GFUS: variants seen among roughly 807,000 people sequenced by gnomAD.
GFUS encodes the protein 3-5 epimerase/4-reductase.
Under a neutral mutation model 41.5 loss-of-function variants are expected in GFUS, and 42 were observed. The ratio of observed to expected loss-of-function variants is 1.01; its 90% CI spans 0.79 to 1.31. The LOEUF (loss-of-function observed/expected upper bound fraction) is 1.31, where lower values mean the gene tolerates loss of function less well. Among genes scored for constraint, GFUS ranks in the 50% most tolerant of loss-of-function variants. The pLI, the probability that GFUS is intolerant of heterozygous loss-of-function variation, is 0.00. For synonymous variants in GFUS, 188 were observed against 173.4 expected, an observed-to-expected ratio of 1.08 and a Z score of -0.66; for missense variants, 437 against 428.7, an observed-to-expected ratio of 1.02 and a Z score of -0.17.
rs750822132 is a variant in GFUS, at chr8:143,613,679, A to C, written c.730+72T>G. The C allele has an allele frequency of 5.7e-6, 9 of 1,577,818 alleles. No individual in the cohort carries two copies. The Admixed American group carries it at 1.6e-4, about 29-fold the overall frequency. ...ATGAATATTCCTGCTCCCACCCCTC[A>C]GCCAGCCTCCCAGGACAACCTTGGA... On this transcript the variant is annotated intron_variant, in intron 8 of 10. Coordinates refer to ENST00000425753, the MANE Select transcript of GFUS (RefSeq NM_003313.4).
In GFUS at chr8:143,612,719, C is replaced by T. The variant is rs536978293; in HGVS notation, c.*191G>A. 1.0e-5 allele frequency: 7 copies of T among 685,212 alleles called. No homozygotes were observed. The Admixed American group carries it at 1.0e-4, about 10-fold the overall frequency. 42.4% of individuals were successfully genotyped at this position (685,212 alleles called of 1,614,324 possible). A position where few individuals can be genotyped will look rare whatever the true frequency, so the allele number is the denominator to read the frequency against. On this transcript the variant is annotated 3_prime_UTR_variant, in exon 11 of 11. Transcript: ENST00000425753. ...TGGGGAGCAAAGCGCCGGGCCTGCC[C>T]GGGACCCTGGTTTCCCTGAGGACCA...
chr8:143,612,951 A>G lies in GFUS; in HGVS notation c.925T>C (p.Cys309Arg), dbSNP rs1181372604. 6.2e-7 allele frequency: 1 copy of G among 1,610,654 alleles called. No homozygotes were observed. Among genetic ancestry groups the G allele is most frequent in the Non-Finnish European group, 8.5e-7 (1 of 1,178,930 alleles). The stretch of plus-strand genomic sequence containing the variant: ...TCGTAGTTGTCAGTGAACCAAGCAC[A>G]GGTCTCCTTCACCGCTGCAGAGGCA... ...TPFKQAVKET[C>R]AWFTDNYEQA... Residue 309 changes from cysteine (C) to arginine (R), a missense_variant, in exon 11 of 11, where the codon TGT (cysteine) becomes CGT (arginine). By Grantham distance (180) the Cys-to-Arg change is radical. Coordinates refer to ENST00000425753, the MANE Select transcript of GFUS (RefSeq NM_003313.4).
chr8:143,615,724 G>A (rs1240879056), intron 3 of GFUS, among the ~76,000 whole-genome samples: 2 of 152,178 alleles, frequency 1.3e-5, no homozygotes, highest in Non-Finnish European at 2.9e-5. Context: ...GTGTGTGGTG[G>A]GCCCGGCTAA....
intron 1 of GFUS, 52 bp downstream of exon 1, chr8:143,617,422 T>G (rs1379847176): frequency 6.6e-6 from 1 of 152,430 alleles, no homozygotes; most frequent in East Asian, 1.9e-4. Flanking sequence ...GCTCCCTGAC[T>G]CTCACGGAGC....
chr8:143,616,515 G>A lies in GFUS; in HGVS notation c.146+52C>T, dbSNP rs372020887. The A allele has an allele frequency of 1.2e-4, 192 of 1,612,134 alleles. 3 individuals are homozygous for A. In the South Asian group the frequency reaches 1.6e-3, roughly 14 times the overall value. ...CCCAGCCTGGAACTCTTAGTTCTAG[G>A]GTGGGGGGTAGGATGGAGAGGAAGG... is the stretch of plus-strand genomic sequence containing the variant. On this transcript the variant is annotated intron_variant, in intron 2 of 10. Transcript: ENST00000425753.
In GFUS at chr8:143,614,212, C is replaced by T. The variant is rs149753598; in HGVS notation, c.615G>A (p.Leu205=). Residue 205 remains leucine (L), a synonymous_variant, in exon 7 of 11, where the codon CTG becomes CTA. Coordinates refer to ENST00000425753, the MANE Select transcript of GFUS (RefSeq NM_003313.4). The stretch of plus-strand genomic sequence containing the variant: ...GCGGATTCCCTGTACCCCACACCGT[C>T]AGGGCCGAGCCGCTGCCTGCAGATT... The part of the protein sequence containing the change: ...VHLAKSSGSA[L]TVWGTGNPRR... 1.7e-5 allele frequency: 27 copies of T among 1,613,614 alleles called. No homozygotes were observed. The African/African-American group carries it at 3.6e-4, about 21-fold the overall frequency.
Position 143,612,750 on chromosome 8 carries a change from A to T in GFUS, c.*160T>A. ...CCTGGTTTCCCTGAGGACCAACGTG[A>T]ATGGGGGCCCCACTGGAAAGATGCT... is the stretch of plus-strand genomic sequence containing the variant. On this transcript the variant is annotated 3_prime_UTR_variant, in exon 11 of 11. Transcript: ENST00000425753. The T allele has an allele frequency of 1.1e-6, 1 of 915,240 alleles. No individual in the cohort carries two copies. The highest frequency in any genetic ancestry group is 1.6e-6 in the Non-Finnish European group (1 of 606,528). 56.7% of individuals were successfully genotyped at this position (915,240 alleles called of 1,614,324 possible).
Position 143,614,335 on chromosome 8 carries a change from C to A in GFUS, c.583G>T (p.Val195Leu). 1 of 1,613,662 alleles carries A rather than the reference C, an allele frequency of 6.2e-7. No individual in the cohort carries two copies. The highest frequency in any genetic ancestry group is 8.5e-7 in the Non-Finnish European group (1 of 1,179,840). ...ACGCACTCACTCTTGGCCAGGTGCA[C>A]CTTGTGGATGAGGCCAGGCAGCACG... ...GHVLPGLIHK[V>L]HLAKSSGSAL... The change falls in exon 6 of 11, where the codon GTG becomes TTG. Residue 195 changes from valine (V) to leucine (L), a missense_variant. Coordinates refer to ENST00000425753, the MANE Select transcript of GFUS (RefSeq NM_003313.4).
At chr8:143,613,499 C>G (rs748767280) in intron 9 of GFUS, 25 bp downstream of exon 9, 6 of 1,608,536 alleles carry the variant, frequency 3.7e-6, no homozygotes, top group Non-Finnish European at 4.2e-6. Flanking sequence ...CCCGCCCAAC[C>G]CCCAGCACTG....
At chr8:143,615,038 C>T in intron 3 of GFUS, 123 bp from the exon 4 acceptor site, 2 of 1,419,422 alleles carry the variant, frequency 1.4e-6, no homozygotes, top group East Asian at 4.8e-5. Flanking sequence ...CCCAAGCCTG[C>T]CCATCCTAAC....
chr8:143,616,741 G>A lies in GFUS; in HGVS notation c.-11-18C>T, dbSNP rs754553529. 6.2e-7 allele frequency: 1 copy of A among 1,613,306 alleles called. No individual in the cohort carries two copies. Among genetic ancestry groups the A allele is most frequent in the Non-Finnish European group, 8.5e-7 (1 of 1,179,846 alleles). Reference sequence around the variant, plus strand: ...AGTTGCACCTGTAATGTCAAACAGTGGGAGGCTGAGGTCATCACGCTCTCA... The same window carrying A: ...AGTTGCACCTGTAATGTCAAACAGTAGGAGGCTGAGGTCATCACGCTCTCA... On this transcript the variant is annotated intron_variant, in intron 1 of 10. Transcript: ENST00000425753.
Position 143,612,921 on chromosome 8 carries a change from C to T in GFUS, c.955G>A (p.Ala319Thr). ...CCTGTCTTCCAGCTTCACTTCCGGG[C>T]CTGCTCGTAGTTGTCAGTGAACCAA... ...CAWFTDNYEQ[A>T]RK Residue 319 changes from alanine to threonine, a missense_variant, in exon 11 of 11, where the codon GCC becomes ACC. Physicochemically the swap from Ala to Thr is moderately conservative, Grantham distance 58. Coordinates refer to ENST00000425753, the MANE Select transcript of GFUS (RefSeq NM_003313.4). 1 of 1,609,320 alleles carries T rather than the reference C, an allele frequency of 6.2e-7. No homozygotes were observed. The highest frequency in any genetic ancestry group is 8.5e-7 in the Non-Finnish European group (1 of 1,178,420).
rs1829620704 is a variant in GFUS at position 143,613,201 on chromosome 8, T to C, written c.905A>G (p.Lys302Arg). ...GCTGTGGGGTCAGGGCTCACCCTGC[T>C]TGAAGGGTGTGAACCGGAAGTCGGG... ...YLPDFRFTPF[K>R]QAVKETCAWF... is the part of the protein sequence containing the mutation. The change falls in exon 10 of 11, where the codon AAG becomes AGG. Residue 302 changes from lysine to arginine, a missense_variant. Lys to Arg is a conservative substitution (Grantham distance 26). Coordinates refer to ENST00000425753, the MANE Select transcript of GFUS (RefSeq NM_003313.4). 1.2e-6 allele frequency: 2 copies of C among 1,613,498 alleles called. No individual in the cohort carries two copies. Among genetic ancestry groups the C allele is most frequent in the Non-Finnish European group, 1.7e-6 (2 of 1,179,728 alleles).
In GFUS at chr8:143,614,360, G is replaced by A. The variant is rs370537540; in HGVS notation, c.558C>T (p.His186=). 1.1e-4 allele frequency: 170 copies of A among 1,613,742 alleles called. No homozygotes were observed. Among genetic ancestry groups the A allele is most frequent in the Middle Eastern group, 1.7e-4 (1 of 6,036 alleles). Reference sequence around the variant, plus strand: ...CCTTGTGGATGAGGCCAGGCAGCACGTGGCCATCCTCGATGTTGAAGTTGT... The same window carrying A: ...CCTTGTGGATGAGGCCAGGCAGCACATGGCCATCCTCGATGTTGAAGTTGT... ...PHDNFNIEDG[H]VLPGLIHKVH... Residue 186 remains histidine (H), a synonymous_variant, in exon 6 of 11, where the codon CAC becomes CAT. Transcript: ENST00000425753.
At chr8:143,615,255 G>T (rs1702337891) in intron 3 of GFUS, among the ~76,000 whole-genome samples, 1 of 152,174 alleles carries the variant, frequency 6.6e-6, no homozygotes, top group Non-Finnish European at 1.5e-5. Context: ...GCTGGGCTGG[G>T]GCTCCCACTA....
rs1276167272 is a variant in GFUS at position 143,616,826 on chromosome 8, C to A, written c.-11-103G>T. On this transcript the variant is annotated intron_variant, in intron 1 of 10. Transcript: ENST00000425753. ...ACAGAGTGAGGCCCTCAGAGTGGGG[C>A]ATAGTCCACTGGCAACCAGAAAGAC... 4 of 1,409,106 alleles carry A rather than the reference C, an allele frequency of 2.8e-6. No homozygotes were observed. The Admixed American group carries it at 5.5e-5, about 19-fold the overall frequency. The allele number at this position is 1,409,106 out of a possible 1,614,324, so 87.3% of individuals were successfully genotyped here. A position where few individuals can be genotyped will look rare whatever the true frequency, so the allele number is the denominator to read the frequency against.
chr8:143,613,784 C>G lies in GFUS; in HGVS notation c.697G>C (p.Glu233Gln). 1.9e-6 allele frequency: 3 copies of G among 1,550,952 alleles called. No individual in the cohort carries two copies. The highest frequency in any genetic ancestry group is 2.6e-6 in the Non-Finnish European group (3 of 1,147,012). ...LAQLFIWVLR[E>Q]YNEVEPIILS... is the part of the protein sequence containing the mutation. ...ATGATGGGCTCCACTTCATTGTACTCCCGCAGGACCCAGATAAAGAGCTGG... is the reference window on the plus strand; with the variant it reads ...ATGATGGGCTCCACTTCATTGTACTGCCGCAGGACCCAGATAAAGAGCTGG... Residue 233 changes from glutamate (E) to glutamine (Q), a missense_variant, in exon 8 of 11, where the codon GAG becomes CAG. Glu to Gln is a conservative substitution (Grantham distance 29, BLOSUM62 2). Transcript: ENST00000425753.
intron 7 of GFUS, 26 bp from the exon 8 acceptor site, chr8:143,613,843 A>C: frequency 6.5e-7 from 1 of 1,550,346 alleles, no homozygotes; most frequent in Non-Finnish European, 8.7e-7. Flanking sequence ...GCAGGGTCAG[A>C]GACCATGGGT....
intron 3 of GFUS, among the ~76,000 whole-genome samples, chr8:143,615,438 AGGT>A (rs1272592681): frequency 6.6e-6 from 1 of 152,000 alleles, no homozygotes; most frequent in Non-Finnish European, 1.5e-5. Context: ...GAGAAGGGAG[AGGT>A]GGTGGCCAGG....
Sources: allele counts gnomAD v4.1 joint callset (sites outside exome capture counted in the v4.1 genomes callset), GRCh38; gene constraint gnomAD v4.1.1; transcripts MANE v1.5; gene names NCBI Gene and HGNC (gene_info 2026-07-23, HGNC 2026-07-21).